The following ROBO1 variants were observed in gnomAD, a reference collection of about 807,000 sequenced individuals.
ROBO1 encodes the protein roundabout homolog 1.
Under a neutral mutation model 195.9 loss-of-function variants are expected in ROBO1, and 149 were observed. That is an observed-to-expected ratio of 0.76 (90% CI 0.67 to 0.87). The LOEUF is 0.87. Ranked by LOEUF, ROBO1 falls within the 40% of genes least tolerant of loss-of-function variation. The probability of loss-of-function intolerance (pLI) is 0.00; values close to 1 mark genes in which losing one functional copy is unlikely to be tolerated. For synonymous variants in ROBO1, 816 were observed against 733.2 expected (o/e 1.11, Z -1.82); for missense variants, 1,933 against 2,068.3 (o/e 0.93, Z 1.27).
intron 2 of ROBO1, among the ~76,000 whole-genome samples, chr3:79,234,930 A>G (rs1287121842): frequency 1.3e-5 from 2 of 152,144 alleles, no homozygotes; most frequent in Non-Finnish European, 2.9e-5. Flanking sequence ...ATCATGCAAT[A>G]TATCCACGTA....
At chr3:78,643,460 C>A (rs1409244279) in intron 21 of ROBO1, among the ~76,000 whole-genome samples, 2 of 152,086 alleles carry the variant, frequency 1.3e-5, no homozygotes, top group Non-Finnish European at 2.9e-5. Flanking sequence ...ATTCAGTAAA[C>A]TGAGAAGGGT....
Position 78,617,625 on chromosome 3 carries a change from T to G in ROBO1, c.4282+10A>C, listed in dbSNP as rs1283539634. ...TCTTTCCCAGCTTGGTGAAAAGTGT[T>G]AGGACTCACCAGCAGCATCCTGCAT... On this transcript the variant is annotated intron_variant, in intron 27 of 30. Transcript: ENST00000464233. 1 of 1,597,980 alleles carries G rather than the reference T, an allele frequency of 6.3e-7. No individual in the cohort carries two copies. The highest frequency in any genetic ancestry group is 1.1e-5 in the South Asian group (1 of 88,014).
At chr3:79,347,844 A>G (rs745906447) in intron 2 of ROBO1, among the ~76,000 whole-genome samples, 1 of 152,236 alleles carries the variant, frequency 6.6e-6, no homozygotes, top group Non-Finnish European at 1.5e-5. Context: ...AGAAATAAAC[A>G]GGCTCATTTT....
chr3:79,596,299 C>T (rs1333509896), intron 1 of ROBO1, among the ~76,000 whole-genome samples: 1 of 151,986 alleles, frequency 6.6e-6, no homozygotes, highest in Non-Finnish European at 1.5e-5. Flanking sequence ...ATACTATCTT[C>T]ATGTCAGAAG....
At chr3:79,035,208 C>T (rs992612448) in intron 3 of ROBO1, among the ~76,000 whole-genome samples, 1 of 151,842 alleles carries the variant, frequency 6.6e-6, no homozygotes, top group Non-Finnish European at 1.5e-5. Context: ...AAGCTCTTTT[C>T]AACTTTTAAG....
At chr3:78,659,893 T>G (rs1707279399) in intron 16 of ROBO1, 86 bp from the exon 17 acceptor site, 1 of 1,052,646 alleles carries the variant, frequency 9.5e-7, no homozygotes, top group Admixed American at 2.8e-5. Flanking sequence ...CAATAATAGA[T>G]GTATTAATAC....
At chr3:79,389,533 AT>A (rs776004427) in intron 2 of ROBO1, among the ~76,000 whole-genome samples, 3 of 152,118 alleles carry the variant, frequency 2.0e-5, no homozygotes, top group Non-Finnish European at 4.4e-5. Context: ...AAAATAACTA[AT>A]CTGATTTGTA....
intron 2 of ROBO1, among the ~76,000 whole-genome samples, chr3:79,333,659 CCAAA>C (rs1356663713): frequency 5.3e-5 from 8 of 152,144 alleles, no homozygotes; most frequent in East Asian, 1.9e-4. Flanking sequence ...CTCCAGCACA[CCAAA>C]CACTCACAGA....
At chr3:79,742,263 C>T (rs909512741) in intron 1 of ROBO1, among the ~76,000 whole-genome samples, 4 of 152,180 alleles carry the variant, frequency 2.6e-5, no homozygotes, top group Non-Finnish European at 5.9e-5. Flanking sequence ...ACAGACCCTC[C>T]TGTTACAGGC....
intron 2 of ROBO1, among the ~76,000 whole-genome samples, chr3:79,181,967 CATAT>C (rs941753497): frequency 1.3e-5 from 2 of 148,926 alleles, no homozygotes; most frequent in African/African-American, 2.5e-5. Flanking sequence ...ATTTTATTCA[CATAT>C]ATATTATATA....
chr3:78,609,535 G>A (rs528725868), intron 28 of ROBO1, among the ~76,000 whole-genome samples: 65 of 152,080 alleles, frequency 4.3e-4, no homozygotes, highest in East Asian at 5.8e-4. Context: ...AATGGATTGC[G>A]CTTTTTTCAC....
intron 2 of ROBO1, among the ~76,000 whole-genome samples, chr3:79,155,635 C>T (rs755005363): frequency 9.9e-5 from 15 of 151,584 alleles, no homozygotes; most frequent in East Asian, 1.9e-4. Flanking sequence ...TCACATTTCC[C>T]GTGGATTATT....
intron 2 of ROBO1, among the ~76,000 whole-genome samples, chr3:79,571,235 C>G (rs543235224): frequency 6.6e-6 from 1 of 152,070 alleles, no homozygotes; most frequent in Admixed American, 6.6e-5. Context: ...AAAGTAATTC[C>G]AAGGTAAAAT....
intron 1 of ROBO1, among the ~76,000 whole-genome samples, chr3:79,746,763 C>A (rs77785899): frequency 0.08 from 12,127 of 151,980 alleles, 573 homozygotes; most frequent in Non-Finnish European, 0.11. Context: ...TGCAATGGAG[C>A]CTAGCTTTTT....
chr3:79,155,295 T>A (rs1417371467), intron 2 of ROBO1, among the ~76,000 whole-genome samples: 1 of 151,738 alleles, frequency 6.6e-6, no homozygotes, highest in Non-Finnish European at 1.5e-5. Context: ...ACAGTCTGTA[T>A]AAAAGTTGAT....
At chr3:79,054,789 G>T (rs1468143793) in intron 3 of ROBO1, among the ~76,000 whole-genome samples, 1 of 152,092 alleles carries the variant, frequency 6.6e-6, no homozygotes, top group Non-Finnish European at 1.5e-5. Flanking sequence ...GAATCCCCCT[G>T]CCACAGAACC....
chr3:78,705,611 A>G (rs2081531716), intron 8 of ROBO1, among the ~76,000 whole-genome samples: 1 of 152,182 alleles, frequency 6.6e-6, no homozygotes, highest in South Asian at 2.1e-4. Context: ...GGGGATGTCC[A>G]GACAATGGGC....
At chr3:79,614,278 T>C (rs1311949672) in intron 1 of ROBO1, among the ~76,000 whole-genome samples, 1 of 151,996 alleles carries the variant, frequency 6.6e-6, no homozygotes, top group Non-Finnish European at 1.5e-5. Context: ...CTTAAAAGAA[T>C]GAAATGGAGT....
At chr3:79,588,252 A>C (rs549135031) in intron 2 of ROBO1, among the ~76,000 whole-genome samples, 33 of 151,856 alleles carry the variant, frequency 2.2e-4, no homozygotes, top group Non-Finnish European at 3.1e-4. Context: ...TTCTTCTCTA[A>C]AATTATGCAA....
Sources: gnomAD v4.1 joint callset for allele counts (sites outside exome capture counted in the v4.1 genomes callset) on GRCh38, gnomAD v4.1.1 for gene constraint, MANE v1.5 for transcripts, NCBI Gene and HGNC (gene_info 2026-07-23, HGNC 2026-07-21) for gene names.